SH3PXD2B: variants seen among roughly 807,000 people sequenced by gnomAD.
The protein encoded by SH3PXD2B is SH3 and PX domain-containing protein 2B.
A neutral mutation model predicts 73.1 loss-of-function variants in SH3PXD2B; 37 were observed. That is an observed-to-expected ratio of 0.51 (90% CI 0.39 to 0.67). The LOEUF (loss-of-function observed/expected upper bound fraction) is 0.67. Ranked by LOEUF, SH3PXD2B falls within the 30% of genes least tolerant of loss-of-function variation. The pLI, the probability that SH3PXD2B is intolerant of heterozygous loss-of-function variation, is 0.00. For missense variants in SH3PXD2B, 1,053 were observed against 1,197.8 expected (o/e 0.88, Z 1.78); for synonymous variants, 457 against 480.5 (o/e 0.95, Z 0.64).
At chr5:172,371,208 A>C (rs1037637653) in intron 6 of SH3PXD2B, among the ~76,000 whole-genome samples, 1 of 152,236 alleles carries the variant, frequency 6.6e-6, no homozygotes, top group African/African-American at 2.4e-5. Context: ...AAAATTCACT[A>C]TACTGTCAAT....
downstream of SH3PXD2B, among the ~76,000 whole-genome samples, chr5:172,329,083 A>ATATATATATTTTTT (rs58472514): frequency 1.6e-5 from 1 of 61,818 alleles, no homozygotes; most frequent in African/African-American, 7.8e-5. Context: ...ATATATATAT[A>ATATATATATTTTTT]TTTTTTTTTT....
At chr5:172,371,081 C>T (rs576669273) in intron 6 of SH3PXD2B, among the ~76,000 whole-genome samples, 76 of 152,242 alleles carry the variant, frequency 5.0e-4, no homozygotes, top group Middle Eastern at 3.4e-3. Context: ...TTATAAAATA[C>T]TCTCAAGAGG....
intron 1 of SH3PXD2B, among the ~76,000 whole-genome samples, chr5:172,442,873 C>G (rs1759578970): frequency 6.6e-6 from 1 of 152,200 alleles, no homozygotes; most frequent in Non-Finnish European, 1.5e-5. Flanking sequence ...GTCACTGACT[C>G]AAGATCACAC....
In SH3PXD2B at chr5:172,454,485, G is replaced by GCCGCCGCCA. The variant is rs1422908768; in HGVS notation, c.-142_-134dup. The GCCGCCGCCA allele has an allele frequency of 2.0e-4, 61 of 298,186 alleles. No individual in the cohort carries two copies. Among genetic ancestry groups the GCCGCCGCCA allele is most frequent in the East Asian group, 5.9e-4 (4 of 6,814 alleles). The allele number at this position is 298,186 out of a possible 1,614,324, so 18.5% of individuals were successfully genotyped here. A position where few individuals can be genotyped will look rare whatever the true frequency, so the allele number is the denominator to read the frequency against. ...TCGCAGCCGGGGCCGAGCACGAGCCGCCGCCGCCACCGCCGCCGCCCTTCG... is the reference window on the plus strand; with the variant it reads ...TCGCAGCCGGGGCCGAGCACGAGCCGCCGCCGCCACCGCCGCCACCGCCGCCGCCCTTCG... On this transcript the variant is annotated 5_prime_UTR_variant, in exon 1 of 13. Coordinates refer to ENST00000311601, the MANE Select transcript of SH3PXD2B (RefSeq NM_001017995.3).
At chr5:172,354,373 T>TA (rs1194193263) in intron 8 of SH3PXD2B, among the ~76,000 whole-genome samples, 1 of 152,204 alleles carries the variant, frequency 6.6e-6, no homozygotes, top group Non-Finnish European at 1.5e-5. Context: ...ACACGACATG[T>TA]ATTTGGCTTA....
At chr5:172,360,605 G>A (rs781322277) in intron 7 of SH3PXD2B, among the ~76,000 whole-genome samples, 11 of 152,232 alleles carry the variant, frequency 7.2e-5, no homozygotes, top group Non-Finnish European at 1.3e-4. Context: ...GCTGAGGCGA[G>A]TGGATCACCT....
rs909359198 is a variant in SH3PXD2B at position 172,369,873 on chromosome 5, G to A, written c.427+3917C>T. On this transcript the variant is annotated intron_variant, in intron 6 of 12. Transcript: ENST00000311601. ...ATTCAAATGCCTTCCTTCACATTTC[G>A]TTTTGTTTATACAGGTCTCTTTGCT... Among the ~76,000 whole-genome samples, 111 of 144,692 alleles carry A rather than the reference G, an allele frequency of 7.7e-4. 1 individual carries two copies. The highest frequency in any genetic ancestry group is 1.1e-3 in the South Asian group (5 of 4,724). The allele number at this position is 144,692 out of a possible 152,430, so 94.9% of individuals were successfully genotyped here. A position where few individuals can be genotyped will look rare whatever the true frequency, so the allele number is the denominator to read the frequency against.
chr5:172,350,165 CTT>C (rs1757126755), intron 10 of SH3PXD2B, among the ~76,000 whole-genome samples, 196 bp downstream of exon 10: 1 of 152,150 alleles, frequency 6.6e-6, no homozygotes, highest in African/African-American at 2.4e-5. Context: ...AGCAATGCCT[CTT>C]GACTCAGATT....
rs1554087696 is a variant in SH3PXD2B, at chr5:172,439,692, G to GCGCACACA, written c.75+14585_75+14586insTGTGTGCG. ...TGTGCGTGCGTGCGCGCACGCGCGC[G>GCGCACACA]CACACACACACACACACACACACAC... On this transcript the variant is annotated intron_variant, in intron 1 of 12. Coordinates refer to ENST00000311601, the MANE Select transcript of SH3PXD2B (RefSeq NM_001017995.3). Among the ~76,000 whole-genome samples, 514 of 138,552 alleles carry GCGCACACA rather than the reference G, an allele frequency of 3.7e-3. 5 individuals carry two copies. The highest frequency in any genetic ancestry group is 0.013 in the African/African-American group (481 of 35,648). The allele number at this position is 138,552 out of a possible 152,430, so 90.9% of individuals were successfully genotyped here. A position where few individuals can be genotyped will look rare whatever the true frequency, so the allele number is the denominator to read the frequency against.
At position 172,356,106 on chromosome 5, in the gene SH3PXD2B, A is replaced by G. The variant is rs138430686; in HGVS notation, c.668-2101T>C. Among the ~76,000 whole-genome samples, 394 of 152,198 alleles carry G rather than the reference A, an allele frequency of 2.6e-3. 3 individuals are homozygous for G. Among genetic ancestry groups the G allele is most frequent in the African/African-American group, 9.0e-3 (373 of 41,524 alleles). On this transcript the variant is annotated intron_variant, in intron 8 of 12. Coordinates refer to ENST00000311601, the MANE Select transcript of SH3PXD2B (RefSeq NM_001017995.3). ...AGTGTTGCAACTCCCGCCCACCGTGACTGGTTTTATGGATGGCAAGTGACC... is the reference window on the plus strand; with the variant it reads ...AGTGTTGCAACTCCCGCCCACCGTGGCTGGTTTTATGGATGGCAAGTGACC...
intron 2 of SH3PXD2B, among the ~76,000 whole-genome samples, chr5:172,408,607 T>G (rs1291478232): frequency 6.7e-6 from 1 of 148,762 alleles, no homozygotes; most frequent in Non-Finnish European, 1.5e-5. Flanking sequence ...GGCATGGTCT[T>G]GGTTCACTGC....
At chr5:172,398,569 T>C (rs1013635367) in intron 3 of SH3PXD2B, among the ~76,000 whole-genome samples, 10 of 152,220 alleles carry the variant, frequency 6.6e-5, no homozygotes, top group Admixed American at 6.5e-4. Flanking sequence ...AGAGGCTGGA[T>C]TACACATCAC....
intron 6 of SH3PXD2B, among the ~76,000 whole-genome samples, chr5:172,373,025 CCTT>C (rs1450582651): frequency 6.6e-6 from 1 of 152,202 alleles, no homozygotes; most frequent in African/African-American, 2.4e-5. Flanking sequence ...CAATTTCCCA[CCTT>C]CTCTTTCTCC....
intron 5 of SH3PXD2B, among the ~76,000 whole-genome samples, chr5:172,377,367 T>C (rs887552987): frequency 1.3e-5 from 2 of 152,168 alleles, no homozygotes; most frequent in African/African-American, 4.8e-5. Context: ...GGTATAACCC[T>C]CAAGTTCACC....
At chr5:172,448,479 A>G (rs1046201680) in intron 1 of SH3PXD2B, among the ~76,000 whole-genome samples, 1 of 152,098 alleles carries the variant, frequency 6.6e-6, no homozygotes, top group African/African-American at 2.4e-5. Context: ...TTTTATACCC[A>G]TGAGGCTGAG....
chr5:172,348,007 A>G (rs1757033625), intron 10 of SH3PXD2B, among the ~76,000 whole-genome samples: 3 of 152,150 alleles, frequency 2.0e-5, no homozygotes, highest in Middle Eastern at 3.2e-3. Flanking sequence ...CTAAAGGCAG[A>G]ATGTTGGCCA....
chr5:172,436,639 G>A (rs987659843), intron 1 of SH3PXD2B, among the ~76,000 whole-genome samples: 6 of 152,208 alleles, frequency 3.9e-5, no homozygotes, highest in Non-Finnish European at 8.8e-5. Flanking sequence ...CCAGACTGCT[G>A]TTTCTCATAC....
intron 3 of SH3PXD2B, among the ~76,000 whole-genome samples, chr5:172,401,455 C>T (rs981215723): frequency 3.9e-5 from 6 of 152,296 alleles, no homozygotes; most frequent in African/African-American, 1.4e-4. Context: ...CTATTGGGGG[C>T]TCCACTGTAG....
chr5:172,392,269 A>G (rs1271144241), intron 4 of SH3PXD2B, among the ~76,000 whole-genome samples: 3 of 152,230 alleles, frequency 2.0e-5, no homozygotes, highest in African/African-American at 7.2e-5. Context: ...ATAGAAAGGT[A>G]CAGAAAAGAC....
Sources: gnomAD v4.1 joint callset for allele counts (sites outside exome capture counted in the v4.1 genomes callset) on GRCh38, gnomAD v4.1.1 for gene constraint, MANE v1.5 for transcripts, NCBI Gene and HGNC (gene_info 2026-07-23, HGNC 2026-07-21) for gene names.